ROBO1: variants seen among roughly 807,000 people sequenced by gnomAD.
The protein encoded by ROBO1 is roundabout homolog 1.
A neutral mutation model predicts 195.9 loss-of-function variants in ROBO1; 149 were observed. That is an observed-to-expected ratio of 0.76 (90% confidence interval 0.67 to 0.87). The LOEUF is 0.87. Among genes scored for constraint, ROBO1 ranks in the 40% least tolerant of loss-of-function variants. ROBO1 has a pLI of 0.00. For missense variants in ROBO1, 1,933 were observed against 2,068.3 expected, an observed-to-expected ratio of 0.93 and a Z score of 1.27; for synonymous variants, 816 against 733.2, an observed-to-expected ratio of 1.11 and a Z score of -1.82.
intron 2 of ROBO1, among the ~76,000 whole-genome samples, chr3:79,163,258 T>A (rs1228612017): frequency 1.3e-5 from 2 of 152,254 alleles, no homozygotes; most frequent in South Asian, 2.1e-4. Context: ...ACCTATCTCA[T>A]GTAAGTGGAA....
chr3:79,079,324 T>C (rs1163363321), intron 3 of ROBO1, among the ~76,000 whole-genome samples: 4 of 151,802 alleles, frequency 2.6e-5, no homozygotes, highest in African/African-American at 9.7e-5. Context: ...ATTATCTGAA[T>C]AGACTATGTA....
At chr3:78,884,734 GAAGGAAAGA>G (rs1222886613) in intron 4 of ROBO1, among the ~76,000 whole-genome samples, 4 of 149,948 alleles carry the variant, frequency 2.7e-5, no homozygotes, top group East Asian at 2.0e-4. Flanking sequence ...AGGAAGGAAG[GAAGGAAAGA>G]AAGGAAAGAA....
Position 78,600,285 on chromosome 3 carries a change from G to T in ROBO1, c.4769C>A (p.Pro1590His). The T allele has an allele frequency of 1.2e-6, 2 of 1,611,248 alleles. No individual in the cohort carries two copies. The highest frequency in any genetic ancestry group is 1.7e-6 in the Non-Finnish European group (2 of 1,177,610). The change falls in exon 30 of 31, where the codon CCT (proline) becomes CAT (histidine). Residue 1590 changes from proline (P) to histidine (H), a missense_variant. Pro to His is a moderately conservative substitution (Grantham distance 77). Coordinates refer to ENST00000464233, the MANE Select transcript of ROBO1 (RefSeq NM_002941.4). ...GGGATTATTTGATGTTGGAAAAGTA[G>T]GTCTACAATAAGGTAGAATATCCTC... ...IQEDILPYCRPTFPTSNNPRD... is the reference protein window; with the variant it reads ...IQEDILPYCRHTFPTSNNPRD...
At chr3:78,712,017 C>CAAAAAAAAAAAAAAAAAAAAAAAA (rs56267632) in intron 8 of ROBO1, among the ~76,000 whole-genome samples, 1 of 76,422 alleles carries the variant, frequency 1.3e-5, no homozygotes, top group Non-Finnish European at 2.5e-5. Context: ...AAGACCTTGG[C>CAAAAAAAAAAAAAAAAAAAAAAAA]AAAAAAAAAA....
At chr3:79,554,063 A>G (rs1201770755) in intron 2 of ROBO1, among the ~76,000 whole-genome samples, 1 of 152,040 alleles carries the variant, frequency 6.6e-6, no homozygotes, top group Non-Finnish European at 1.5e-5. Context: ...GTTATATGTC[A>G]TTTCATACCA....
chr3:79,548,960 A>G lies in ROBO1; in HGVS notation c.88+40864T>C, dbSNP rs986447667. 5.3e-5 allele frequency among the ~76,000 whole-genome samples: 8 copies of G among 152,264 alleles called. No individual in the cohort carries two copies. In the East Asian group the frequency reaches 1.5e-3, roughly 29 times the overall value. ...TTACATGCTCTTCTCCTCAGTAGAG[A>G]ATCTGGGGTCATTGCCAGTGGATGA... On this transcript the variant is annotated intron_variant, in intron 2 of 30. Transcript: ENST00000464233.
intron 2 of ROBO1, among the ~76,000 whole-genome samples, chr3:79,257,974 C>A (rs758096185): frequency 8.6e-5 from 13 of 151,810 alleles, no homozygotes; most frequent in Non-Finnish European, 1.5e-4. Context: ...AAGCTATAAC[C>A]CAAATTCCAG....
At chr3:79,248,570 T>A (rs908119743) in intron 2 of ROBO1, among the ~76,000 whole-genome samples, 3 of 152,108 alleles carry the variant, frequency 2.0e-5, no homozygotes, top group African/African-American at 7.2e-5. Context: ...AAAGGTTTTT[T>A]AAAAAGCAAT....
At chr3:79,003,926 G>T (rs1424632926) in intron 3 of ROBO1, among the ~76,000 whole-genome samples, 1 of 152,126 alleles carries the variant, frequency 6.6e-6, no homozygotes, top group African/African-American at 2.4e-5. Flanking sequence ...CATACCCATG[G>T]CATGGTGAAA....
intron 2 of ROBO1, among the ~76,000 whole-genome samples, chr3:79,155,201 T>C (rs1390009797): frequency 6.6e-6 from 1 of 151,692 alleles, no homozygotes; most frequent in Non-Finnish European, 1.5e-5. Context: ...CTTTTTTTTT[T>C]TCTGGATTGC....
intron 2 of ROBO1, among the ~76,000 whole-genome samples, chr3:79,152,384 TAG>T (rs1387292604): frequency 1.3e-5 from 2 of 151,452 alleles, no homozygotes; most frequent in East Asian, 3.9e-4. Flanking sequence ...AATGTGGAGG[TAG>T]AGTGTGGGGA....
intron 2 of ROBO1, among the ~76,000 whole-genome samples, chr3:79,349,770 A>T (rs2035269260): frequency 6.6e-6 from 1 of 152,174 alleles, no homozygotes; most frequent in Admixed American, 6.5e-5. Context: ...ACATGCAAAA[A>T]CTGGGCTCTT....
At chr3:78,679,912 C>T (rs1238413218) in intron 10 of ROBO1, among the ~76,000 whole-genome samples, 15 of 152,052 alleles carry the variant, frequency 9.9e-5, no homozygotes, top group African/African-American at 1.9e-4. Flanking sequence ...GGAGGCATCA[C>T]GCTACCTGAC....
At chr3:78,653,491 A>C (rs1312534341) in intron 18 of ROBO1, among the ~76,000 whole-genome samples, 1 of 152,212 alleles carries the variant, frequency 6.6e-6, no homozygotes, top group Non-Finnish European at 1.5e-5. Context: ...CTTCAACAGC[A>C]AAAAGTCCTC....
intron 1 of ROBO1, among the ~76,000 whole-genome samples, chr3:79,728,138 C>T (rs1043423727): frequency 2.7e-5 from 1 of 36,554 alleles, no homozygotes; most frequent in African/African-American, 1.1e-4. Flanking sequence ...AGATATATCC[C>T]CCCCCCCACA....
intron 2 of ROBO1, among the ~76,000 whole-genome samples, chr3:79,357,715 T>C (rs1233386902): frequency 6.6e-6 from 1 of 152,128 alleles, no homozygotes. Flanking sequence ...ACACCACATA[T>C]TGCCAAATTG....
intron 2 of ROBO1, among the ~76,000 whole-genome samples, chr3:79,498,205 G>T (rs986402375): frequency 1.3e-5 from 2 of 152,064 alleles, no homozygotes. Context: ...GCTTTTCAAA[G>T]AAAACATTTT....
chr3:79,438,783 C>G (rs2038965634), intron 2 of ROBO1, among the ~76,000 whole-genome samples: 1 of 151,998 alleles, frequency 6.6e-6, no homozygotes, highest in African/African-American at 2.4e-5. Context: ...ACATTTTAAA[C>G]CAATTAGGTC....
At chr3:78,733,386 G>A (rs1292694221) in intron 5 of ROBO1, among the ~76,000 whole-genome samples, 1 of 151,742 alleles carries the variant, frequency 6.6e-6, no homozygotes, top group Non-Finnish European at 1.5e-5. Context: ...ATGCCCTTTT[G>A]AATGTACTAT....
Sources: gnomAD v4.1 joint callset for allele counts (sites outside exome capture counted in the v4.1 genomes callset) on GRCh38, gnomAD v4.1.1 for gene constraint, MANE v1.5 for transcripts, NCBI Gene and HGNC (gene_info 2026-07-23, HGNC 2026-07-21) for gene names.